Variants in UBR4 observed in about 807,000 individuals in gnomAD.
UBR4 encodes the protein ubiquitin protein ligase E3 component n-recognin 4.
Under a neutral mutation model 575.6 loss-of-function variants are expected in UBR4, and 124 were observed. The observed-to-expected ratio is 0.22, with a 90% CI of 0.19 to 0.25. UBR4 has a LOEUF of 0.25. Ranked by LOEUF, UBR4 falls within the 10% of genes least tolerant of loss-of-function variation. The pLI is 1.00. For missense variants in UBR4, 4,818 were observed against 6,478.8 expected, an observed-to-expected ratio of 0.74 and a Z score of 8.80; for synonymous variants, 2,455 against 2,473.7, an observed-to-expected ratio of 0.99 and a Z score of 0.22.
At chr1:19,104,328 A>G in intron 86 of UBR4, 71 bp from the exon 87 acceptor site, 2 of 1,557,024 alleles carry the variant, frequency 1.3e-6, no homozygotes, top group Non-Finnish European at 1.7e-6. Context: ...GTCTCAAAAG[A>G]TTATGAGCAA....
At chr1:19,118,597 A>C in intron 71 of UBR4, 1 of 357,380 alleles carries the variant, frequency 2.8e-6, no homozygotes, top group East Asian at 4.8e-5. Flanking sequence ...ACTTTTTTAA[A>C]TTTTTTTTTA....
intron 3 of UBR4, among the ~76,000 whole-genome samples, chr1:19,199,334 G>A (rs1406526630): frequency 6.6e-6 from 1 of 152,188 alleles, no homozygotes; most frequent in African/African-American, 2.4e-5. Flanking sequence ...CTGCAGGTAT[G>A]TAAGTTTGCA....
intron 28 of UBR4, 89 bp downstream of exon 28, chr1:19,167,938 A>G (rs2088797222): frequency 7.4e-7 from 1 of 1,345,606 alleles, no homozygotes; most frequent in African/African-American, 1.5e-5. Flanking sequence ...AGAAAGCATT[A>G]CTACATAGTT....
intron 25 of UBR4, 59 bp downstream of exon 25, chr1:19,172,805 G>A (rs905206730): frequency 2.6e-6 from 4 of 1,523,702 alleles, no homozygotes; most frequent in Non-Finnish European, 3.6e-6. Context: ...CTGAGTCAAT[G>A]CGGGATCTGC....
Position 19,170,746 on chromosome 1 carries a change from A to ACATTTGTT in UBR4, c.3643+8_3643+15dup, listed in dbSNP as rs747245329. On this transcript the variant is annotated intron_variant, in intron 26 of 105. Transcript: ENST00000375254. ...TGTTGTAATAATATTACTCAAAAGC[A>ACATTTGTT]CATTTGTTCTCTTACCCAGAGTATT... is the stretch of plus-strand genomic sequence containing the variant. 4 of 1,614,068 alleles carry ACATTTGTT rather than the reference A, an allele frequency of 2.5e-6. No individual in the cohort carries two copies. The African/African-American group carries it at 5.3e-5, about 22-fold the overall frequency.
chr1:19,102,480 T>TTTTGGGCATTTCATTTGGG lies in UBR4; in HGVS notation c.12902-840_12902-839insCCCAAATGAAATGCCCAAA, dbSNP rs545175892. On this transcript the variant is annotated intron_variant, in intron 87 of 105. Transcript: ENST00000375254. ...TCAGTATGGCACGATGAAAATGGCA[T>TTTTGGGCATTTCATTTGGG]CAGAAAGAGTTCCATTTTGGGCAAT... Among the ~76,000 whole-genome samples the TTTTGGGCATTTCATTTGGG allele has an allele frequency of 7.5e-3, 1,147 of 152,102 alleles. 24 individuals are homozygous for TTTTGGGCATTTCATTTGGG. The highest frequency in any genetic ancestry group is 0.027 in the African/African-American group (1,106 of 41,484).
At chr1:19,185,423 G>A in intron 14 of UBR4, 137 bp from the exon 15 acceptor site, 2 of 842,116 alleles carry the variant, frequency 2.4e-6, no homozygotes, top group Non-Finnish European at 3.5e-6. Context: ...GATTGCATTT[G>A]TGTATCAAAA....
At position 19,076,775 on chromosome 1, in the gene UBR4, G is replaced by A. The variant is rs758934973; in HGVS notation, c.15452C>T (p.Pro5151Leu). 5.6e-6 allele frequency: 9 copies of A among 1,614,156 alleles called. No homozygotes were observed. The highest frequency in any genetic ancestry group is 5.5e-5 in the South Asian group (5 of 91,078). The change falls in exon 105 of 106, where the codon CCA becomes CTA. Residue 5151 changes from proline (P) to leucine (L), a missense_variant. Transcript: ENST00000375254. Reference sequence around the variant, plus strand: ...GAGGAACTCTGAGAAGGTCTCCACTGGCATGAACTCCTCCTGGAAGGTTTT... The same window carrying A: ...GAGGAACTCTGAGAAGGTCTCCACTAGCATGAACTCCTCCTGGAAGGTTTT... ...ALKTFQEEFM[P>L]VETFSEFLDV...
rs770123631 is a variant in UBR4 at position 19,146,978 on chromosome 1, G to A, written c.7652C>T (p.Ala2551Val). 8 of 1,609,908 alleles carry A rather than the reference G, an allele frequency of 5.0e-6. No individual in the cohort carries two copies. The Admixed American group carries it at 1.3e-4, about 27-fold the overall frequency. The change falls in exon 52 of 106, where the codon GCT becomes GTT. Residue 2551 changes from alanine (A) to valine (V), a missense_variant. Coordinates refer to ENST00000375254, the MANE Select transcript of UBR4 (RefSeq NM_020765.3). ...GCTAGATGTGTTGAGACACTGCACA[G>A]CTTTGCTCAGCAAGGCCTGATCCTG... is the stretch of plus-strand genomic sequence containing the variant. ...SHKDQALLSK[A>V]VQCLNTSSKE... is the part of the protein sequence containing the mutation.
chr1:19,160,833 G>A lies in UBR4; in HGVS notation c.5406+84C>T, dbSNP rs1317304331. The A allele has an allele frequency of 2.7e-5, 35 of 1,292,872 alleles. No homozygotes were observed. In the South Asian group the frequency reaches 4.3e-4, roughly 16 times the overall value. 80.1% of individuals were successfully genotyped at this position (1,292,872 alleles called of 1,614,324 possible). On this transcript the variant is annotated intron_variant, in intron 38 of 105. Coordinates refer to ENST00000375254, the MANE Select transcript of UBR4 (RefSeq NM_020765.3). ...TAAAGGAGAAAATGAGTTGCAAGGG[G>A]AGCCATGTGCATTATTTACTCTCAC...
chr1:19,095,964 C>T (rs2077996837), intron 92 of UBR4: 3 of 293,316 alleles, frequency 1.0e-5, no homozygotes, highest in Admixed American at 9.6e-5. Flanking sequence ...AACTCAGACC[C>T]TAAACTAATA....
At position 19,152,286 on chromosome 1, in the gene UBR4, TTG is replaced by T; in HGVS notation, c.6996+25_6996+26del. On this transcript the variant is annotated intron_variant, in intron 47 of 105. Coordinates refer to ENST00000375254, the MANE Select transcript of UBR4 (RefSeq NM_020765.3). This position sits in a 1 kb window ranked among gnomAD's most constrained non-coding sequence, Gnocchi z 4.4. ...TTGTTTGAGTCCTTCTACCCAGGGA[TTG>T]ATCCCAGCCCAGTGCCATTCTTACC... The T allele has an allele frequency of 6.2e-7, 1 of 1,612,562 alleles. No individual in the cohort carries two copies.
rs955072165 is a variant in UBR4 at position 19,150,468 on chromosome 1, A to T, written c.7430+109T>A. 108 of 1,259,410 alleles carry T rather than the reference A, an allele frequency of 8.6e-5. 3 individuals are homozygous for T. The South Asian group carries it at 1.4e-3, about 16-fold the overall frequency. 78.0% of individuals were successfully genotyped at this position (1,259,410 alleles called of 1,614,324 possible). On this transcript the variant is annotated intron_variant, in intron 49 of 105. Transcript: ENST00000375254. ...TTGTATGAAAACTTAAAAAAATTCCAGGCTAGCCTTGAGATGGTTATTAGA... is the reference window on the plus strand; with the variant it reads ...TTGTATGAAAACTTAAAAAAATTCCTGGCTAGCCTTGAGATGGTTATTAGA...
intron 27 of UBR4, among the ~76,000 whole-genome samples, chr1:19,169,234 C>G (rs895041035): frequency 6.6e-6 from 1 of 152,146 alleles, no homozygotes; most frequent in Non-Finnish European, 1.5e-5. Flanking sequence ...CTTTTGATAA[C>G]ACAAACTTCT....
At chr1:19,078,137 G>A in intron 103 of UBR4, 71 bp from the exon 104 acceptor site, 4 of 1,496,996 alleles carry the variant, frequency 2.7e-6, no homozygotes, top group Non-Finnish European at 3.7e-6. Context: ...AGCAAGGCAT[G>A]CTGGGAGCAA....
intron 11 of UBR4, among the ~76,000 whole-genome samples, chr1:19,190,319 A>ATATATATG (rs1286492573): frequency 7.2e-6 from 1 of 138,624 alleles, no homozygotes; most frequent in African/African-American, 2.7e-5. Flanking sequence ...AAAAATATAT[A>ATATATATG]TATATATATA....
chr1:19,194,301 G>A (rs1571718820), intron 8 of UBR4, among the ~76,000 whole-genome samples: 1 of 152,098 alleles, frequency 6.6e-6, no homozygotes, highest in Non-Finnish European at 1.5e-5. Context: ...GAGGATATGC[G>A]AACTCTATGA....
chr1:19,165,065 G>A (rs2088097118), intron 31 of UBR4, 68 bp from the exon 32 acceptor site: 18 of 1,582,124 alleles, frequency 1.1e-5, no homozygotes, highest in Admixed American at 7.1e-5. Flanking sequence ...GGGGCAAACT[G>A]TTGAGCCAGG....
Position 19,093,205 on chromosome 1 carries a change from A to G in UBR4, c.14111+108T>C, listed in dbSNP as rs1452163489. On this transcript the variant is annotated intron_variant, in intron 96 of 105. Transcript: ENST00000375254. The surrounding 1 kb of genome is among the most constrained non-coding windows in gnomAD (Gnocchi z 4.8). ...TTCCAGAAGCGGTTGGGAGGCCCCA[A>G]GGAGGGCAAGGGGCACACGTGAAGC... 1 of 1,393,778 alleles carries G rather than the reference A, an allele frequency of 7.2e-7. No individual in the cohort carries two copies. The highest frequency in any genetic ancestry group is 9.8e-7 in the Non-Finnish European group (1 of 1,016,920). 86.3% of individuals were successfully genotyped at this position (1,393,778 alleles called of 1,614,324 possible). A position where few individuals can be genotyped will look rare whatever the true frequency, so the allele number is the denominator to read the frequency against.
Sources: allele counts gnomAD v4.1 joint callset (sites outside exome capture counted in the v4.1 genomes callset), GRCh38; gene constraint gnomAD v4.1.1; non-coding constraint Gnocchi (gnomAD v3.1); transcripts MANE v1.5; gene names NCBI Gene and HGNC (gene_info 2026-07-23, HGNC 2026-07-21).